Variants in SLC23A2 observed in about 807,000 individuals in gnomAD.
The protein encoded by SLC23A2 is Na(+)/L-ascorbic acid transporter 2.
In SLC23A2, 36 loss-of-function variants were observed where a neutral mutation model predicts 73.3. The observed-to-expected ratio is 0.49, with a 90% confidence interval of 0.38 to 0.65. SLC23A2 has a LOEUF of 0.65. SLC23A2 is among the 30% of genes least tolerant of loss of function. SLC23A2 has a pLI of 0.00. For synonymous variants in SLC23A2, 343 were observed against 327.3 expected (o/e 1.05, Z -0.52); for missense variants, 507 against 841.6 (o/e 0.60, Z 4.92).
At chr20:4,927,253 C>A (rs767790170) in intron 3 of SLC23A2, among the ~76,000 whole-genome samples, 56 of 152,162 alleles carry the variant, frequency 3.7e-4, no homozygotes, top group Non-Finnish European at 1.5e-4. Context: ...CAGTACAGAT[C>A]CAGACAAAAA....
chr20:4,995,156 A>C (rs2087998064), intron 1 of SLC23A2, among the ~76,000 whole-genome samples: 1 of 152,108 alleles, frequency 6.6e-6, no homozygotes, highest in Non-Finnish European at 1.5e-5. Context: ...AAGGAAAGCC[A>C]GTGGGGGGAA....
In SLC23A2 at chr20:4,937,831, T is replaced by C. The variant is rs2086983465; in HGVS notation, c.-154-5115A>G. Among the ~76,000 whole-genome samples the C allele has an allele frequency of 2.6e-5, 4 of 152,094 alleles. 1 individual carries two copies. The South Asian group carries it at 8.3e-4, about 32-fold the overall frequency. On this transcript the variant is annotated intron_variant, in intron 2 of 16. Transcript: ENST00000338244. ...GTGAGACTTGCTGGTGATTTTGCCC[T>C]CCTTGTGATTTTTGAGGGGGCACTG...
intron 11 of SLC23A2, among the ~76,000 whole-genome samples, chr20:4,870,772 G>A (rs1354061220): frequency 6.6e-6 from 1 of 152,084 alleles, no homozygotes; most frequent in Non-Finnish European, 1.5e-5. Flanking sequence ...GCCTTCCCCA[G>A]GGGAGGACAT....
At chr20:4,881,270 G>A (rs543715152) in intron 9 of SLC23A2, among the ~76,000 whole-genome samples, 107 of 152,272 alleles carry the variant, frequency 7.0e-4, no homozygotes, top group Non-Finnish European at 1.4e-3. Flanking sequence ...GGCTGGATCT[G>A]TAAGTATCGA....
At chr20:4,972,484 GA>G (rs201261331) in intron 1 of SLC23A2, among the ~76,000 whole-genome samples, 8,168 of 144,618 alleles carry the variant, frequency 0.056, 314 homozygotes, top group South Asian at 0.13. Flanking sequence ...TGCATGCAAG[GA>G]AAAAAAAAGT....
At chr20:4,881,120 G>C (rs1300769767) in intron 9 of SLC23A2, among the ~76,000 whole-genome samples, 1 of 152,208 alleles carries the variant, frequency 6.6e-6, no homozygotes, top group East Asian at 1.9e-4. Flanking sequence ...AAGCAACTAG[G>C]GGCACGGTTG....
chr20:4,913,119 GGCTGCCT>G, intron 3 of SLC23A2, 141 bp from the exon 4 acceptor site: 1 of 634,364 alleles, frequency 1.6e-6, no homozygotes, highest in South Asian at 1.8e-5. Context: ...CGTATGGGGA[GGCTGCCT>G]TAGCAGAAGG....
At chr20:4,906,722 A>G (rs2122882644) in intron 4 of SLC23A2, among the ~76,000 whole-genome samples, 1 of 152,370 alleles carries the variant, frequency 6.6e-6, no homozygotes, top group South Asian at 2.1e-4. Context: ...CTAGTTAAGC[A>G]TGGTAGATTG....
intron 1 of SLC23A2, among the ~76,000 whole-genome samples, chr20:4,982,540 G>A: frequency 6.6e-6 from 1 of 152,044 alleles, no homozygotes; most frequent in East Asian, 1.9e-4. Flanking sequence ...GAAATACACA[G>A]GACCCAGAAT....
intron 2 of SLC23A2, among the ~76,000 whole-genome samples, chr20:4,961,099 T>C (rs1208475716): frequency 6.6e-6 from 1 of 151,234 alleles, no homozygotes; most frequent in Non-Finnish European, 1.5e-5. Flanking sequence ...CCTTTTTTTT[T>C]TTTCTTTTTC....
At position 4,883,225 on chromosome 20, in the gene SLC23A2, G is replaced by C. The variant is rs1334056269; in HGVS notation, c.824+417C>G. Among the ~76,000 whole-genome samples the C allele has an allele frequency of 6.6e-6, 1 of 152,062 alleles. No homozygotes were observed. The highest frequency in any genetic ancestry group is 1.5e-5 in the Non-Finnish European group (1 of 68,016). The stretch of plus-strand genomic sequence containing the variant: ...AAGAGTCACATCATCAATGGCAACA[G>C]ACCTTTCCCACGACTTCTCTGGAAA... On this transcript the variant is annotated intron_variant, in intron 9 of 16. Coordinates refer to ENST00000338244, the MANE Select transcript of SLC23A2 (RefSeq NM_005116.6). This position sits in a 1 kb window ranked among gnomAD's most constrained non-coding sequence, Gnocchi z 4.5.
intron 2 of SLC23A2, among the ~76,000 whole-genome samples, chr20:4,968,394 G>A (rs1211097671): frequency 2.0e-5 from 3 of 152,170 alleles, no homozygotes; most frequent in African/African-American, 7.2e-5. Flanking sequence ...ACCCTTTGTG[G>A]AGTCAAAGTA....
intron 1 of SLC23A2, among the ~76,000 whole-genome samples, chr20:5,006,948 CGTGTGTGTGTGTGTGT>C (rs375441910): frequency 0.017 from 2,539 of 148,116 alleles, 69 homozygotes; most frequent in African/African-American, 0.06. Flanking sequence ...CCTGAAATGA[CGTGTGTGTGTGTGTGT>C]GTGTGTGTGT....
intron 1 of SLC23A2, among the ~76,000 whole-genome samples, chr20:4,997,214 G>C (rs2088038855): frequency 6.6e-6 from 1 of 152,016 alleles, no homozygotes; most frequent in Admixed American, 6.6e-5. Context: ...CTAAAAGCTA[G>C]ATCAGTCCAC....
intron 11 of SLC23A2, among the ~76,000 whole-genome samples, chr20:4,871,524 G>A (rs1040970255): frequency 1.3e-5 from 2 of 152,174 alleles, no homozygotes; most frequent in Non-Finnish European, 2.9e-5. Flanking sequence ...CCACCTAGAG[G>A]GGTTTGGCCT....
intron 2 of SLC23A2, among the ~76,000 whole-genome samples, chr20:4,934,289 A>G (rs538238199): frequency 6.6e-6 from 1 of 152,264 alleles, no homozygotes; most frequent in South Asian, 2.1e-4. Flanking sequence ...ACTCGGGGAG[A>G]GCTATTAACA....
intron 2 of SLC23A2, among the ~76,000 whole-genome samples, chr20:4,951,591 C>T (rs569126001): frequency 3.9e-5 from 6 of 152,216 alleles, no homozygotes; most frequent in African/African-American, 1.4e-4. Flanking sequence ...AATCCAGAGG[C>T]AGAAAGTTCA....
intron 3 of SLC23A2, among the ~76,000 whole-genome samples, chr20:4,920,884 T>A (rs1054316791): frequency 6.6e-6 from 1 of 152,182 alleles, no homozygotes; most frequent in Non-Finnish European, 1.5e-5. Context: ...GATCCAGGGA[T>A]CTTCTCTGTA....
intron 1 of SLC23A2, among the ~76,000 whole-genome samples, chr20:4,981,205 A>G (rs947398269): frequency 5.9e-5 from 9 of 152,330 alleles, no homozygotes; most frequent in Non-Finnish European, 1.3e-4. Flanking sequence ...TACATACCCA[A>G]GGGCAAGTCA....
Sources: allele counts gnomAD v4.1 joint callset (sites outside exome capture counted in the v4.1 genomes callset), GRCh38; gene constraint gnomAD v4.1.1; non-coding constraint Gnocchi (gnomAD v3.1); transcripts MANE v1.5; gene names NCBI Gene and HGNC (gene_info 2026-07-23, HGNC 2026-07-21).